The following CCT2 variants were observed in gnomAD, a reference collection of about 807,000 sequenced individuals.
The protein encoded by CCT2 is chaperonin containing TCP1 subunit 2.
Under a neutral mutation model 61.8 loss-of-function variants are expected in CCT2, and 18 were observed. The ratio of observed to expected loss-of-function variants is 0.29; its 90% CI spans 0.20 to 0.43. The LOEUF (loss-of-function observed/expected upper bound fraction) is 0.43. Among genes scored for constraint, CCT2 ranks in the 20% least tolerant of loss-of-function variants. The pLI is 1.00. For missense variants in CCT2, 556 were observed against 656.9 expected, an observed-to-expected ratio of 0.85 and a Z score of 1.68; for synonymous variants, 248 against 215.9, an observed-to-expected ratio of 1.15 and a Z score of -1.30.
At chr12:69,594,261 G>A (rs865890510) in intron 10 of CCT2, among the ~76,000 whole-genome samples, 1 of 152,068 alleles carries the variant, frequency 6.6e-6, no homozygotes, top group Admixed American at 6.5e-5. Context: ...TCGTACATTT[G>A]TTTTTATTGC....
At chr12:69,593,481 C>T in intron 9 of CCT2, 29 bp from the exon 10 acceptor site, 2 of 1,376,762 alleles carry the variant, frequency 1.5e-6, no homozygotes, top group Non-Finnish European at 2.1e-6. Flanking sequence ...CAGTTGTGAG[C>T]ATAATGTTTT....
At position 69,601,210 on chromosome 12, in the gene CCT2, C is replaced by G. The variant is rs974435194; in HGVS notation, c.1578-85C>G. The G allele has an allele frequency of 8.3e-6, 9 of 1,082,000 alleles. No homozygotes were observed. The Admixed American group carries it at 2.1e-4, about 25-fold the overall frequency. The allele number at this position is 1,082,000 out of a possible 1,614,324, so 67.0% of individuals were successfully genotyped here. ...GTTATAACAGTTTTAATACAGGATT[C>G]TAGTTGTGTTTGTATTTAGTATAAT... On this transcript the variant is annotated intron_variant, in intron 15 of 15. Coordinates refer to ENST00000299300, the MANE Select transcript of CCT2 (RefSeq NM_006431.3).
At chr12:69,588,124 CTT>C (rs750305969) in intron 5 of CCT2, 24 bp from the exon 6 acceptor site, 5 of 1,582,926 alleles carry the variant, frequency 3.2e-6, no homozygotes, top group Non-Finnish European at 4.3e-6. Flanking sequence ...CTATTTATAA[CTT>C]TTGTTTTATA....
chr12:69,589,544 C>G lies in CCT2; in HGVS notation c.506C>G (p.Ser169Ter). Residue 169 changes from serine (S) to a stop codon, truncating the protein, a stop_gained, in exon 7 of 16, where the codon TCA becomes TGA. Transcript: ENST00000299300. LOFTEE classifies it high-confidence loss of function. ...LMNIAGTTLSSKLLTHHKDHF... is the reference protein window; with the variant it reads ...LMNIAGTTLS Reference sequence around the variant, plus strand: ...AATATTGCGGGCACAACATTATCCTCAAAACTTCTTACTCATCACAAAGAC... The same window carrying G: ...AATATTGCGGGCACAACATTATCCTGAAAACTTCTTACTCATCACAAAGAC... 1 of 1,614,062 alleles carries G rather than the reference C, an allele frequency of 6.2e-7. No individual in the cohort carries two copies. Among genetic ancestry groups the G allele is most frequent in the Non-Finnish European group, 8.5e-7 (1 of 1,179,968 alleles).
chr12:69,601,168 A>C (rs1882136165), intron 15 of CCT2, 127 bp from the exon 16 acceptor site: 1 of 762,020 alleles, frequency 1.3e-6, no homozygotes, highest in Admixed American at 2.9e-5. Flanking sequence ...GGGGACACAC[A>C]TGCAAACCAT....
At chr12:69,590,005 C>T (rs940575857) in intron 7 of CCT2, among the ~76,000 whole-genome samples, 1 of 152,164 alleles carries the variant, frequency 6.6e-6, no homozygotes. Context: ...TATGTATTCT[C>T]CAGGAAGGGT....
chr12:69,588,627 C>A (rs150742202), intron 6 of CCT2, among the ~76,000 whole-genome samples: 1 of 152,156 alleles, frequency 6.6e-6, no homozygotes, highest in African/African-American at 2.4e-5. Context: ...CTGTATTAAC[C>A]TATCTGTAGG....
intron 5 of CCT2, 34 bp from the exon 6 acceptor site, chr12:69,588,116 A>G (rs758015914): frequency 3.8e-6 from 6 of 1,574,298 alleles, no homozygotes; most frequent in Admixed American, 1.7e-5. Context: ...ATAATTTTCT[A>G]TTTATAACTT....
rs775802201 is a variant in CCT2, at chr12:69,592,967, T to C, written c.751-9T>C. The C allele has an allele frequency of 6.2e-7, 1 of 1,610,306 alleles. No individual in the cohort carries two copies. The highest frequency in any genetic ancestry group is 1.1e-5 in the South Asian group (1 of 90,220). On this transcript the variant is annotated splice_polypyrimidine_tract_variant and intron_variant, in intron 8 of 15. Transcript: ENST00000299300. The stretch of plus-strand genomic sequence containing the variant: ...AACTGATGCTCTCTTTATGCTTCGT[T>C]TGTCTTAGATATTTGGTTCCCGGGT...
At chr12:69,591,360 A>G (rs1009142125) in intron 7 of CCT2, among the ~76,000 whole-genome samples, 1 of 152,198 alleles carries the variant, frequency 6.6e-6, no homozygotes, top group Non-Finnish European at 1.5e-5. Context: ...TGTTTTACAA[A>G]TTAGCATTTC....
chr12:69,599,970 C>T lies in CCT2; in HGVS notation c.1543C>T (p.Leu515=), dbSNP rs747142185. The change falls in exon 15 of 16, where the codon CTG becomes TTG. Residue 515 remains leucine, a synonymous_variant. Transcript: ENST00000299300. Reference sequence around the variant, plus strand: ...TGCAGCTGAAGCAGCAGAGGTGATTCTGCGTGTGGACAACATCATCAAAGC... The same window carrying T: ...TGCAGCTGAAGCAGCAGAGGTGATTTTGCGTGTGGACAACATCATCAAAGC... ...LSAAEAAEVI[L]RVDNIIKAAP... is the part of the protein sequence containing the mutation. 1.9e-6 allele frequency: 3 copies of T among 1,613,580 alleles called. No individual in the cohort carries two copies. Among genetic ancestry groups the T allele is most frequent in the Non-Finnish European group, 2.5e-6 (3 of 1,179,678 alleles).
intron 1 of CCT2, 30 bp downstream of exon 1, chr12:69,585,554 AC>A (rs1365243068): frequency 1.3e-6 from 2 of 1,567,024 alleles, no homozygotes; most frequent in Admixed American, 3.8e-5. Context: ...CTCTTGCCCT[AC>A]CCCTGCTCCG....
In CCT2 at chr12:69,595,659, A is replaced by G. The variant is rs1881965384; in HGVS notation, c.983-1497A>G. On this transcript the variant is annotated intron_variant, in intron 10 of 15. Transcript: ENST00000299300. Reference sequence around the variant, plus strand: ...GCTGAGATTGGCGCCACTGCACTCCAGCCTGGGTGACAGAGCGAGACTCCG... The same window carrying G: ...GCTGAGATTGGCGCCACTGCACTCCGGCCTGGGTGACAGAGCGAGACTCCG... Among the ~76,000 whole-genome samples the G allele has an allele frequency of 2.8e-5, 4 of 144,312 alleles. No individual in the cohort carries two copies. The South Asian group carries it at 8.8e-4, about 32-fold the overall frequency. 94.7% of individuals were successfully genotyped at this position (144,312 alleles called of 152,430 possible). A position where few individuals can be genotyped will look rare whatever the true frequency, so the allele number is the denominator to read the frequency against.
chr12:69,587,691 G>T, intron 4 of CCT2, 75 bp downstream of exon 4: 1 of 966,960 alleles, frequency 1.0e-6, no homozygotes, highest in Admixed American at 1.9e-5. Context: ...TTATAAATAG[G>T]CTGTGTTGAC....
At position 69,593,621 on chromosome 12, in the gene CCT2, A is replaced by T; in HGVS notation, c.982+8A>T. On this transcript the variant is annotated splice_region_variant and intron_variant, in intron 10 of 15. Transcript: ENST00000299300. ...GCCTAGCTCTTGTCACAGGTATGGA[A>T]AAAAGGTATTGTTTTCTAACAAACA... is the stretch of plus-strand genomic sequence containing the variant. 6.4e-7 allele frequency: 1 copy of T among 1,553,866 alleles called. No homozygotes were observed. The highest frequency in any genetic ancestry group is 8.9e-7 in the Non-Finnish European group (1 of 1,127,942).
rs1480401384 is a variant in CCT2, at chr12:69,593,630, T to C, written c.982+17T>C. The C allele has an allele frequency of 6.8e-6, 10 of 1,477,620 alleles. No individual in the cohort carries two copies. The highest frequency in any genetic ancestry group is 1.2e-5 in the South Asian group (1 of 86,830). The allele number at this position is 1,477,620 out of a possible 1,614,324, so 91.5% of individuals were successfully genotyped here. ...TTGTCACAGGTATGGAAAAAAGGTA[T>C]TGTTTTCTAACAAACACAATAGTCA... On this transcript the variant is annotated intron_variant, in intron 10 of 15. Coordinates refer to ENST00000299300, the MANE Select transcript of CCT2 (RefSeq NM_006431.3).
chr12:69,585,719 G>T, intron 1 of CCT2, 195 bp downstream of exon 1: 1 of 1,465,872 alleles, frequency 6.8e-7, no homozygotes, highest in Admixed American at 2.5e-5. Context: ...GGGGAGGGGT[G>T]GACCGCAAAG....
Position 69,601,393 on chromosome 12 carries a change from A to G in CCT2, c.*68A>G. Reference sequence around the variant, plus strand: ...AGTTGTGTTTGAAAGATACTCTATTAAAGAAGACTGTGGAATCTGTTTATC... The same window carrying G: ...AGTTGTGTTTGAAAGATACTCTATTGAAGAAGACTGTGGAATCTGTTTATC... On this transcript the variant is annotated 3_prime_UTR_variant, in exon 16 of 16. Coordinates refer to ENST00000299300, the MANE Select transcript of CCT2 (RefSeq NM_006431.3). The G allele has an allele frequency of 6.2e-7, 1 of 1,613,648 alleles. No homozygotes were observed. Among genetic ancestry groups the G allele is most frequent in the Non-Finnish European group, 8.5e-7 (1 of 1,179,802 alleles).
intron 14 of CCT2, among the ~76,000 whole-genome samples, chr12:69,598,714 C>A (rs968978389): frequency 6.6e-6 from 1 of 152,178 alleles, no homozygotes; most frequent in Non-Finnish European, 1.5e-5. Context: ...TGAAAAATAA[C>A]ATAAACTATT....
Sources: allele counts gnomAD v4.1 joint callset (sites outside exome capture counted in the v4.1 genomes callset), GRCh38; gene constraint gnomAD v4.1.1; transcripts MANE v1.5; gene names NCBI Gene and HGNC (gene_info 2026-07-23, HGNC 2026-07-21).